Variants in ANKS1B observed in about 807,000 individuals in gnomAD.
ANKS1B encodes ankyrin repeat and sterile alpha motif domain containing 1B.
A neutral mutation model predicts 148.3 loss-of-function variants in ANKS1B; 36 were observed. The observed-to-expected ratio is 0.24, with a 90% CI of 0.19 to 0.32. ANKS1B has a LOEUF of 0.32. Among genes scored for constraint, ANKS1B ranks in the 10% least tolerant of loss-of-function variants. The probability of loss-of-function intolerance (pLI) is 1.00; values close to 1 mark genes in which losing one functional copy is unlikely to be tolerated. For synonymous variants in ANKS1B, 542 were observed against 560.8 expected (o/e 0.97, Z 0.47); for missense variants, 1,157 against 1,542.6 (o/e 0.75, Z 4.19).
intron 12 of ANKS1B, among the ~76,000 whole-genome samples, chr12:99,326,889 T>A (rs2086407988): frequency 6.7e-6 from 1 of 150,020 alleles, no homozygotes; most frequent in East Asian, 1.9e-4. Context: ...ACTATATTTT[T>A]ATGTATATTT....
At chr12:99,710,043 G>C (rs771383286) in intron 8 of ANKS1B, among the ~76,000 whole-genome samples, 1 of 151,902 alleles carries the variant, frequency 6.6e-6, no homozygotes, top group Non-Finnish European at 1.5e-5. Context: ...CCATAATGGG[G>C]CTCATTCATT....
At chr12:99,407,493 C>T (rs1352215088) in intron 11 of ANKS1B, among the ~76,000 whole-genome samples, 2 of 145,198 alleles carry the variant, frequency 1.4e-5, no homozygotes, top group East Asian at 1.9e-4. Context: ...TCTTATTCAC[C>T]GTCATACTGG....
intron 8 of ANKS1B, among the ~76,000 whole-genome samples, chr12:99,763,114 C>T (rs2062308575): frequency 1.3e-5 from 2 of 152,140 alleles, no homozygotes; most frequent in African/African-American, 2.4e-5. Flanking sequence ...AACAGAACTA[C>T]CATTTGACCC....
At chr12:98,850,237 C>T (rs558735188) in intron 17 of ANKS1B, among the ~76,000 whole-genome samples, 25 of 152,252 alleles carry the variant, frequency 1.6e-4, no homozygotes, top group African/African-American at 5.8e-4. Context: ...CTTCTTGTTG[C>T]CGTACTTCCT....
chr12:98,934,241 T>C (rs1180981350), intron 17 of ANKS1B, among the ~76,000 whole-genome samples: 3 of 152,160 alleles, frequency 2.0e-5, no homozygotes. Flanking sequence ...ATATCATTAG[T>C]TGAAGAGACT....
chr12:99,790,539 GACT>G (rs746988773), intron 4 of ANKS1B, among the ~76,000 whole-genome samples: 1 of 151,908 alleles, frequency 6.6e-6, no homozygotes, highest in Non-Finnish European at 1.5e-5. Flanking sequence ...AAAAAATAAT[GACT>G]ACAATGAATT....
chr12:99,955,775 T>C (rs1692293932), intron 1 of ANKS1B, among the ~76,000 whole-genome samples: 1 of 152,114 alleles, frequency 6.6e-6, no homozygotes, highest in South Asian at 2.1e-4. Context: ...TGAAGTACAG[T>C]ACCAGGCATG....
At chr12:99,965,535 G>A (rs2095474677) in intron 1 of ANKS1B, among the ~76,000 whole-genome samples, 1 of 152,122 alleles carries the variant, frequency 6.6e-6, no homozygotes, top group African/African-American at 2.4e-5. Context: ...TGATTAAAAT[G>A]AACATTATCA....
chr12:99,040,018 G>C (rs535481049), intron 17 of ANKS1B, among the ~76,000 whole-genome samples: 5 of 152,276 alleles, frequency 3.3e-5, no homozygotes, highest in Non-Finnish European at 7.4e-5. Context: ...ACATGTGTGG[G>C]AGTATCTGTT....
chr12:99,533,473 C>A (rs1596487135), intron 9 of ANKS1B, among the ~76,000 whole-genome samples: 2 of 152,204 alleles, frequency 1.3e-5, no homozygotes, highest in South Asian at 4.2e-4. Context: ...AAGATCATAT[C>A]ATCAGCAAAA....
chr12:99,147,915 G>A (rs639620), intron 15 of ANKS1B, among the ~76,000 whole-genome samples: 129,853 of 151,848 alleles, frequency 0.86, 56,043 homozygotes, highest in East Asian at 1. Context: ...AAAAGTGGAA[G>A]AACAAGCAGG....
At position 98,875,712 on chromosome 12, in the gene ANKS1B, G is replaced by A. The variant is rs148928521; in HGVS notation, c.2779-43576C>T. ...CTAGCCTGGGACACACAGTAGGCCCGTATGTACATGCTGAATAAATGGACC... is the reference window on the plus strand; with the variant it reads ...CTAGCCTGGGACACACAGTAGGCCCATATGTACATGCTGAATAAATGGACC... On this transcript the variant is annotated intron_variant, in intron 17 of 26. Transcript: ENST00000683438. 5.1e-3 allele frequency among the ~76,000 whole-genome samples: 782 copies of A among 152,234 alleles called. 9 individuals are homozygous for A. The highest frequency in any genetic ancestry group is 0.018 in the African/African-American group (740 of 41,540).
chr12:99,369,533 TAGAC>T (rs2092966047), intron 12 of ANKS1B, among the ~76,000 whole-genome samples: 1 of 152,118 alleles, frequency 6.6e-6, no homozygotes, highest in East Asian at 1.9e-4. Context: ...ATAAATTAGA[TAGAC>T]AGATGCTAGA....
chr12:98,742,191 G>T (rs1593225063), downstream of ANKS1B, among the ~76,000 whole-genome samples: 1 of 152,326 alleles, frequency 6.6e-6, no homozygotes, highest in South Asian at 2.1e-4. Flanking sequence ...CAAGTTAGGA[G>T]CCCTGATTAA....
intron 17 of ANKS1B, among the ~76,000 whole-genome samples, chr12:98,951,340 T>C (rs1209540463): frequency 6.6e-6 from 1 of 152,194 alleles, no homozygotes; most frequent in East Asian, 1.9e-4. Context: ...TGGAAGAATA[T>C]GCCTGTGACA....
intron 13 of ANKS1B, 41 bp downstream of exon 13, chr12:99,246,234 C>CTT (rs2073870088): frequency 7.0e-7 from 1 of 1,423,982 alleles, no homozygotes; most frequent in East Asian, 2.5e-5. Context: ...CCCTCAACTG[C>CTT]AAAGCCTTAT....
At chr12:99,549,925 T>C (rs1472231161) in intron 9 of ANKS1B, among the ~76,000 whole-genome samples, 2 of 152,190 alleles carry the variant, frequency 1.3e-5, no homozygotes, top group African/African-American at 2.4e-5. Flanking sequence ...AACCTCACTG[T>C]CCACCCCATT....
chr12:99,443,607 G>T, intron 11 of ANKS1B, 66 bp downstream of exon 11: 1 of 1,524,762 alleles, frequency 6.6e-7, no homozygotes, highest in South Asian at 1.2e-5. Context: ...CAATATAAGT[G>T]ATGTACATGC....
rs190112419 is a variant in ANKS1B, at chr12:99,951,373, T to C, written c.134+32731A>G. Among the ~76,000 whole-genome samples the C allele has an allele frequency of 4.8e-3, 724 of 152,316 alleles. 3 individuals are homozygous for C. The highest frequency in any genetic ancestry group is 0.016 in the African/African-American group (676 of 41,556). On this transcript the variant is annotated intron_variant, in intron 1 of 26. Coordinates refer to ENST00000683438, the MANE Select transcript of ANKS1B (RefSeq NM_001352186.2). ...TCCTTTTTCTTGTCCTCTATTTGTA[T>C]CAGGCAACCTGTAGCTATAATAAGG...
Sources: gnomAD v4.1 joint callset for allele counts (sites outside exome capture counted in the v4.1 genomes callset) on GRCh38, gnomAD v4.1.1 for gene constraint, MANE v1.5 for transcripts, NCBI Gene and HGNC (gene_info 2026-07-23, HGNC 2026-07-21) for gene names.